DCBLD2: variants seen among roughly 807,000 people sequenced by gnomAD.
DCBLD2 encodes discoidin, CUB and LCCL domain-containing protein 2.
DCBLD2 carries 54 observed loss-of-function variants against 86.8 expected under a neutral mutation model. The ratio of observed to expected loss-of-function variants is 0.62; its 90% CI spans 0.50 to 0.78. The LOEUF (loss-of-function observed/expected upper bound fraction) is 0.78, where lower values mean the gene tolerates loss of function less well. DCBLD2 is among the 30% of genes least tolerant of loss of function. The pLI, the probability that DCBLD2 is intolerant of heterozygous loss-of-function variation, is 0.00. For synonymous variants in DCBLD2, 354 were observed against 341.3 expected, an observed-to-expected ratio of 1.04 and a Z score of -0.41; for missense variants, 908 against 954.2, an observed-to-expected ratio of 0.95 and a Z score of 0.64.
At position 98,901,268 on chromosome 3, in the gene DCBLD2, G is replaced by T; in HGVS notation, c.59C>A (p.Ala20Asp). Residue 20 changes from alanine to aspartate, a missense_variant, in exon 1 of 16, where the codon GCC (alanine) becomes GAC (aspartate). Ala to Asp is a moderately radical substitution (Grantham distance 126, BLOSUM62 -2). Transcript: ENST00000326840. Reference sequence around the variant, plus strand: ...GGCCCAGGCGGGGGCGGCGGCCGCGGCCCGGACTTGGGGACACTGCGGGCA... The same window carrying T: ...GGCCCAGGCGGGGGCGGCGGCCGCGTCCCGGACTTGGGGACACTGCGGGCA... Reference protein sequence around the residue: ...RRCPQCPQVRAAAAAPAWAAL... With the variant: ...RRCPQCPQVRDAAAAPAWAAL... 3 of 1,530,488 alleles carry T rather than the reference G, an allele frequency of 2.0e-6. No individual in the cohort carries two copies. The highest frequency in any genetic ancestry group is 2.6e-6 in the Non-Finnish European group (3 of 1,144,024). The allele number at this position is 1,530,488 out of a possible 1,614,324, so 94.8% of individuals were successfully genotyped here. A position where few individuals can be genotyped will look rare whatever the true frequency, so the allele number is the denominator to read the frequency against.
rs553687978 is a variant in DCBLD2 at position 98,858,958 on chromosome 3, G to A, written c.434-9360C>T. Among the ~76,000 whole-genome samples the A allele has an allele frequency of 7.4e-4, 113 of 152,292 alleles. 1 individual carries two copies. Among genetic ancestry groups the A allele is most frequent in the African/African-American group, 2.6e-3 (110 of 41,554 alleles). On this transcript the variant is annotated intron_variant, in intron 2 of 15. Transcript: ENST00000326840. ...TCACCTGGGAAGCGCGTGGGGTCGGGGAATTCCCTTTCCTAGCCAAGGGAA... is the reference window on the plus strand; with the variant it reads ...TCACCTGGGAAGCGCGTGGGGTCGGAGAATTCCCTTTCCTAGCCAAGGGAA...
intron 2 of DCBLD2, among the ~76,000 whole-genome samples, chr3:98,870,736 A>AAGAAGAAAGAAAGAAAGAAAG (rs1943251055): frequency 1.2e-5 from 1 of 84,614 alleles, no homozygotes; most frequent in Non-Finnish European, 2.4e-5. Context: ...GAAAAGAAAG[A>AAGAAGAAAGAAAGAAAGAAAG]AAAAGAAAGA....
At chr3:98,820,604 T>A (rs1439486039) in intron 6 of DCBLD2, among the ~76,000 whole-genome samples, 1 of 152,204 alleles carries the variant, frequency 6.6e-6, no homozygotes, top group Non-Finnish European at 1.5e-5. Context: ...TTGTTTACTG[T>A]CAATCTCTCA....
At chr3:98,889,004 CTT>C (rs1164873070) in intron 1 of DCBLD2, among the ~76,000 whole-genome samples, 1 of 151,950 alleles carries the variant, frequency 6.6e-6, no homozygotes, top group East Asian at 1.9e-4. Flanking sequence ...GGATTTCTCT[CTT>C]CTCTCTCCAT....
At chr3:98,894,946 G>C (rs779436319) in intron 1 of DCBLD2, among the ~76,000 whole-genome samples, 7 of 151,962 alleles carry the variant, frequency 4.6e-5, no homozygotes, top group Non-Finnish European at 1.0e-4. Flanking sequence ...TGAGTGTGTG[G>C]GGACTGTTCG....
intron 1 of DCBLD2, among the ~76,000 whole-genome samples, chr3:98,890,758 A>C (rs1943646594): frequency 6.6e-6 from 1 of 151,952 alleles, no homozygotes; most frequent in South Asian, 2.1e-4. Context: ...CGCAGACCTT[A>C]ACTGTATGTA....
At chr3:98,900,326 T>C (rs1353845253) in intron 1 of DCBLD2, among the ~76,000 whole-genome samples, 1 of 152,212 alleles carries the variant, frequency 6.6e-6, no homozygotes, top group Admixed American at 6.5e-5. Flanking sequence ...CAAAAACTGA[T>C]GCCAAACTGA....
At chr3:98,860,433 A>G (rs1943018871) in intron 2 of DCBLD2, among the ~76,000 whole-genome samples, 1 of 150,348 alleles carries the variant, frequency 6.7e-6, no homozygotes, top group African/African-American at 2.5e-5. Context: ...CAGATTCACC[A>G]AAGTTGAAAT....
chr3:98,836,652 C>T (rs1199683073), intron 3 of DCBLD2, among the ~76,000 whole-genome samples: 1 of 132,690 alleles, frequency 7.5e-6, no homozygotes, highest in African/African-American at 2.8e-5. Flanking sequence ...AGGGGCTCCT[C>T]ACTTCCCAGT....
intron 1 of DCBLD2, among the ~76,000 whole-genome samples, chr3:98,886,825 T>TTC (rs1457185611): frequency 6.9e-6 from 1 of 144,952 alleles, no homozygotes; most frequent in Non-Finnish European, 1.5e-5. Context: ...TTTTTTTTTT[T>TTC]ACTACTTATC....
intron 4 of DCBLD2, among the ~76,000 whole-genome samples, chr3:98,823,012 A>AC (rs1942151385): frequency 6.6e-6 from 1 of 152,142 alleles, no homozygotes; most frequent in African/African-American, 2.4e-5. Context: ...AGCTGGGATT[A>AC]CAGGTGCATA....
rs1941641741 is a variant in DCBLD2, at chr3:98,797,822, C to T, written c.*1550G>A. The T allele has an allele frequency of 6.6e-6, 1 of 152,198 alleles. No homozygotes were observed. The highest frequency in any genetic ancestry group is 2.4e-5 in the African/African-American group (1 of 41,442). The allele number at this position is 152,198 out of a possible 1,614,324, so 9.4% of individuals were successfully genotyped here. On this transcript the variant is annotated 3_prime_UTR_variant, in exon 16 of 16. Coordinates refer to ENST00000326840, the MANE Select transcript of DCBLD2 (RefSeq NM_080927.4). Reference sequence around the variant, plus strand: ...ATTCAAATTGAGTGAATTCTGGCAACATCATAATCTGGTGGCTCAGGCCAA... The same window carrying T: ...ATTCAAATTGAGTGAATTCTGGCAATATCATAATCTGGTGGCTCAGGCCAA...
Position 98,817,754 on chromosome 3 carries a change from T to C in DCBLD2, c.1212+15A>G. ...TAAAAAATGTTTTTTAAAAATACCT[T>C]GGTAATCATTTTACCTTATCTTGCT... On this transcript the variant is annotated intron_variant, in intron 9 of 15. Coordinates refer to ENST00000326840, the MANE Select transcript of DCBLD2 (RefSeq NM_080927.4). 6.2e-7 allele frequency: 1 copy of C among 1,612,190 alleles called. No homozygotes were observed. Among genetic ancestry groups the C allele is most frequent in the Non-Finnish European group, 8.5e-7 (1 of 1,178,896 alleles).
intron 3 of DCBLD2, among the ~76,000 whole-genome samples, chr3:98,826,610 C>G (rs935433022): frequency 2.0e-5 from 3 of 152,164 alleles, no homozygotes; most frequent in African/African-American, 7.2e-5. Context: ...AGCAAAATCA[C>G]TCTATAAAGC....
At chr3:98,859,599 A>G (rs2107496114) in intron 2 of DCBLD2, among the ~76,000 whole-genome samples, 1 of 152,362 alleles carries the variant, frequency 6.6e-6, no homozygotes, top group Non-Finnish European at 1.5e-5. Flanking sequence ...TCCACTGCTG[A>G]TACCCAGGCA....
At position 98,866,647 on chromosome 3, in the gene DCBLD2, T is replaced by C. The variant is rs558314184; in HGVS notation, c.433+14893A>G. On this transcript the variant is annotated intron_variant, in intron 2 of 15. Transcript: ENST00000326840. The stretch of plus-strand genomic sequence containing the variant: ...GTAGATTGCAAAAATTTTCTCCCAT[T>C]CTGTAGGTTGCCTGTTCACTCTGAT... Among the ~76,000 whole-genome samples, 511 of 152,328 alleles carry C rather than the reference T, an allele frequency of 3.4e-3. 2 individuals carry two copies. The highest frequency in any genetic ancestry group is 6.8e-3 in the Middle Eastern group (2 of 294).
chr3:98,901,647 G>C lies in DCBLD2; in HGVS notation c.-321C>G. 4.9e-6 allele frequency: 1 copy of C among 202,720 alleles called. No homozygotes were observed. 12.6% of individuals were successfully genotyped at this position (202,720 alleles called of 1,614,324 possible). On this transcript the variant is annotated 5_prime_UTR_variant, in exon 1 of 16. Coordinates refer to ENST00000326840, the MANE Select transcript of DCBLD2 (RefSeq NM_080927.4). ...CCGCGCCGCGCTCCTCACCAGGGTC[G>C]CCGCTCGCCGCGCTCACCCGCGGCT...
chr3:98,887,300 C>T (rs1466433176), intron 1 of DCBLD2, among the ~76,000 whole-genome samples: 1 of 151,790 alleles, frequency 6.6e-6, no homozygotes, highest in East Asian at 1.9e-4. Context: ...GGAGCTTTTA[C>T]GAAACAGAAA....
intron 6 of DCBLD2, among the ~76,000 whole-genome samples, chr3:98,821,818 C>T (rs887918458): frequency 3.3e-5 from 5 of 152,012 alleles, no homozygotes; most frequent in Admixed American, 1.3e-4. Context: ...GTGGCCGAGG[C>T]GGGTGGATCA....
Sources: allele counts gnomAD v4.1 joint callset (sites outside exome capture counted in the v4.1 genomes callset), GRCh38; gene constraint gnomAD v4.1.1; transcripts MANE v1.5; gene names NCBI Gene and HGNC (gene_info 2026-07-23, HGNC 2026-07-21).